AGK: variants seen among roughly 807,000 people sequenced by gnomAD.
AGK encodes the protein acylglycerol kinase, also known as acylglycerol kinase, mitochondrial.
In AGK, 52 loss-of-function variants were observed where a neutral mutation model predicts 66.4. The ratio of observed to expected loss-of-function variants is 0.78; its 90% CI spans 0.63 to 0.99. The LOEUF is 0.99. Among genes scored for constraint, AGK ranks in the 50% least tolerant of loss-of-function variants. AGK has a pLI of 0.00. For synonymous variants in AGK, 182 were observed against 181.1 expected, an observed-to-expected ratio of 1.00 and a Z score of -0.04; for missense variants, 451 against 506.6, an observed-to-expected ratio of 0.89 and a Z score of 1.05.
chr7:141,631,350 G>A (rs1797051310), intron 9 of AGK, among the ~76,000 whole-genome samples: 1 of 152,098 alleles, frequency 6.6e-6, no homozygotes, highest in African/African-American at 2.4e-5. Context: ...GATCACTTAG[G>A]TATTCTGTGA....
At chr7:141,614,067 T>C in intron 6 of AGK, 79 bp from the exon 7 acceptor site, 2 of 1,070,020 alleles carry the variant, frequency 1.9e-6, no homozygotes, top group Non-Finnish European at 2.8e-6. Flanking sequence ...GTTTATGGTC[T>C]ATGAAAATTG....
chr7:141,601,390 T>C (rs1796338199), intron 5 of AGK, 110 bp downstream of exon 5: 1 of 763,948 alleles, frequency 1.3e-6, no homozygotes, highest in Non-Finnish European at 2.2e-6. Context: ...AAGAAATTAA[T>C]GTTGTATCCT....
intron 12 of AGK, 80 bp from the exon 13 acceptor site, chr7:141,641,731 G>T: frequency 8.7e-7 from 1 of 1,147,640 alleles, no homozygotes. Flanking sequence ...GCTGAGCTGA[G>T]CAGCTAGCAG....
chr7:141,637,612 C>T (rs1029435022), intron 11 of AGK, among the ~76,000 whole-genome samples: 4 of 152,078 alleles, frequency 2.6e-5, no homozygotes, highest in Non-Finnish European at 5.9e-5. Context: ...ATAGAAAAGT[C>T]ATCTTTAACT....
In AGK at chr7:141,652,967, G is replaced by T. The variant is rs745585048; in HGVS notation, c.*43G>T. The T allele has an allele frequency of 1.2e-6, 2 of 1,609,864 alleles. No individual in the cohort carries two copies. The highest frequency in any genetic ancestry group is 2.2e-5 in the South Asian group (2 of 90,806). On this transcript the variant is annotated 3_prime_UTR_variant, in exon 16 of 16. Coordinates refer to ENST00000649286, the MANE Select transcript of AGK (RefSeq NM_018238.4). The stretch of plus-strand genomic sequence containing the variant: ...CTCTGAGACCACACTTTAGGCCACC[G>T]GTGGGACCAAAAGGGAACAGGTGCC...
chr7:141,573,981 G>A (rs969407978), intron 2 of AGK, among the ~76,000 whole-genome samples: 16 of 151,836 alleles, frequency 1.1e-4, no homozygotes, highest in Admixed American at 3.9e-4. Context: ...TGAGTACCTT[G>A]TATGTAATTG....
chr7:141,639,916 A>G (rs1303201615), intron 11 of AGK, among the ~76,000 whole-genome samples: 1 of 152,192 alleles, frequency 6.6e-6, no homozygotes, highest in Non-Finnish European at 1.5e-5. Flanking sequence ...CATATTGTAG[A>G]AGAATAAAGA....
At chr7:141,587,439 G>A (rs1400517686) in intron 2 of AGK, among the ~76,000 whole-genome samples, 3 of 152,140 alleles carry the variant, frequency 2.0e-5, no homozygotes, top group African/African-American at 4.8e-5. Flanking sequence ...GCTCCTTATG[G>A]CCCTTAGGGT....
rs896024108 is a variant in AGK at position 141,634,039 on chromosome 7, C to T, written c.668+59C>T. ...TTAAAAAAATCTTATTCTGTCCCTG[C>T]CTTTCAGGTTTTAATTCACAGTGAT... On this transcript the variant is annotated intron_variant, in intron 10 of 15. Coordinates refer to ENST00000649286, the MANE Select transcript of AGK (RefSeq NM_018238.4). The T allele has an allele frequency of 1.8e-5, 26 of 1,427,102 alleles. No homozygotes were observed. In the African/African-American group the frequency reaches 3.7e-4, roughly 20 times the overall value. 88.4% of individuals were successfully genotyped at this position (1,427,102 alleles called of 1,614,324 possible).
intron 2 of AGK, among the ~76,000 whole-genome samples, chr7:141,559,625 GT>G (rs1795293655): frequency 6.6e-6 from 1 of 152,060 alleles, no homozygotes; most frequent in Non-Finnish European, 1.5e-5. Flanking sequence ...ATTTTGGGAT[GT>G]TTTTTCTATT....
chr7:141,608,805 A>G (rs79575109), intron 5 of AGK, among the ~76,000 whole-genome samples: 14,298 of 152,178 alleles, frequency 0.094, 1,489 homozygotes, highest in African/African-American at 0.26. Context: ...CTTGCCAGGC[A>G]TCTTGCTAAA....
intron 14 of AGK, 42 bp from the exon 15 acceptor site, chr7:141,651,483 T>C (rs1290217882): frequency 6.4e-7 from 1 of 1,572,028 alleles, no homozygotes; most frequent in Non-Finnish European, 8.8e-7. Flanking sequence ...CTAGTGCAGT[T>C]GCCATCACTG....
chr7:141,573,194 A>G (rs180839735), intron 2 of AGK, among the ~76,000 whole-genome samples: 9 of 152,310 alleles, frequency 5.9e-5, no homozygotes, highest in Non-Finnish European at 1.3e-4. Context: ...GGTGCTATTT[A>G]AAGAAGCTCA....
chr7:141,580,066 G>C (rs1002728330), intron 2 of AGK, among the ~76,000 whole-genome samples: 2 of 152,012 alleles, frequency 1.3e-5, no homozygotes, highest in Non-Finnish European at 2.9e-5. Flanking sequence ...GCAGACTTGA[G>C]AAGAGTTTTT....
chr7:141,622,643 CCCTA>C (rs1796851438), intron 9 of AGK, among the ~76,000 whole-genome samples: 1 of 152,226 alleles, frequency 6.6e-6, no homozygotes. Context: ...CCAGCCATTT[CCCTA>C]CCTTTCTCTG....
rs200513894 is a variant in AGK, at chr7:141,578,401, G to T, written c.102-14745G>T. 3.6e-4 allele frequency among the ~76,000 whole-genome samples: 54 copies of T among 152,094 alleles called. No homozygotes were observed. In the East Asian group the frequency reaches 9.1e-3, roughly 26 times the overall value. On this transcript the variant is annotated intron_variant, in intron 2 of 15. Transcript: ENST00000649286. ...TCACTTCTTTTGTGATTCTTCACTT[G>T]CTTCGGGCCATCTGGACATATGTGT...
intron 14 of AGK, chr7:141,650,559 T>C (rs1797531306): frequency 2.0e-6 from 2 of 985,304 alleles, no homozygotes; most frequent in Non-Finnish European, 2.4e-6. Context: ...TACCGTTTTG[T>C]AGAGTTACTG....
chr7:141,616,560 C>G (rs889433680), intron 8 of AGK, among the ~76,000 whole-genome samples: 2 of 151,942 alleles, frequency 1.3e-5, no homozygotes, highest in Non-Finnish European at 2.9e-5. Flanking sequence ...TTTAACAATT[C>G]TATATTTTAA....
chr7:141,574,979 C>T (rs1028755260), intron 2 of AGK, among the ~76,000 whole-genome samples: 12 of 152,166 alleles, frequency 7.9e-5, no homozygotes, highest in African/African-American at 2.4e-4. Flanking sequence ...GGAGGGCAGA[C>T]GTGGCGTTTT....
Sources: allele counts gnomAD v4.1 joint callset (sites outside exome capture counted in the v4.1 genomes callset), GRCh38; gene constraint gnomAD v4.1.1; transcripts MANE v1.5; gene names NCBI Gene and HGNC (gene_info 2026-07-23, HGNC 2026-07-21).